SEMA4A: variants seen among roughly 807,000 people sequenced by gnomAD.
SEMA4A encodes semaphorin 4A, also known as semaphorin-4A.
Under a neutral mutation model 72.5 loss-of-function variants are expected in SEMA4A, and 52 were observed. The observed-to-expected ratio is 0.72, with a 90% CI of 0.57 to 0.90. SEMA4A has a LOEUF of 0.90. Ranked by LOEUF, SEMA4A falls within the 40% of genes least tolerant of loss-of-function variation. The pLI, the probability that SEMA4A is intolerant of heterozygous loss-of-function variation, is 0.00. For synonymous variants in SEMA4A, 369 were observed against 393.1 expected, an observed-to-expected ratio of 0.94 and a Z score of 0.73; for missense variants, 926 against 959.7, an observed-to-expected ratio of 0.96 and a Z score of 0.46.
chr1:156,161,277 C>A, intron 8 of SEMA4A, 69 bp from the exon 9 acceptor site: 1 of 927,236 alleles, frequency 1.1e-6, no homozygotes. Flanking sequence ...CTGCGGGGGG[C>A]GGGGAGGACA....
intron 10 of SEMA4A, among the ~76,000 whole-genome samples, chr1:156,167,643 A>G (rs925858990): frequency 2.0e-5 from 3 of 151,934 alleles, no homozygotes; most frequent in African/African-American, 7.3e-5. Context: ...TTTCCTGTAA[A>G]TTGTTCAGTA....
intron 10 of SEMA4A, among the ~76,000 whole-genome samples, chr1:156,163,453 G>A (rs547296807): frequency 3.9e-5 from 6 of 152,204 alleles, no homozygotes; most frequent in Middle Eastern, 3.4e-3. Context: ...CGGGTGTGGT[G>A]GCTCACACCT....
intron 12 of SEMA4A, 62 bp downstream of exon 12, chr1:156,175,002 G>C (rs1215083414): frequency 4.3e-6 from 7 of 1,614,128 alleles, no homozygotes; most frequent in Non-Finnish European, 5.9e-6. Flanking sequence ...GGCCTGTTGG[G>C]CTGGCTCCCT....
At chr1:156,158,605 T>C in intron 5 of SEMA4A, 114 bp from the exon 6 acceptor site, 1 of 1,292,624 alleles carries the variant, frequency 7.7e-7, no homozygotes, top group Non-Finnish European at 1.1e-6. Flanking sequence ...CTCATGAACT[T>C]CCTGGCCCCA....
intron 10 of SEMA4A, among the ~76,000 whole-genome samples, chr1:156,167,475 C>CAAAAAAAAA (rs58793729): frequency 7.7e-5 from 8 of 103,550 alleles, no homozygotes; most frequent in Middle Eastern, 4.6e-3. Flanking sequence ...GACCCTGTCT[C>CAAAAAAAAA]AAAAAAAAAA....
Position 156,157,461 on chromosome 1 carries a change from G to T in SEMA4A, c.301-609G>T, listed in dbSNP as rs534055806. Among the ~76,000 whole-genome samples the T allele has an allele frequency of 6.6e-6, 1 of 152,330 alleles. No homozygotes were observed. Among genetic ancestry groups the T allele is most frequent in the South Asian group, 2.1e-4 (1 of 4,834 alleles). On this transcript the variant is annotated intron_variant, in intron 3 of 14. Transcript: ENST00000368285. The surrounding 1 kb of genome is among the most constrained non-coding windows in gnomAD (Gnocchi z 4.5). Reference sequence around the variant, plus strand: ...AGGCTTTCTAAGTGCTGGGATTACAGGTGTGAGCCACTGTGCCTGGCTGCT... The same window carrying T: ...AGGCTTTCTAAGTGCTGGGATTACATGTGTGAGCCACTGTGCCTGGCTGCT...
At chr1:156,147,409 G>A (rs1245180983), upstream of SEMA4A, 2 of 150,966 alleles carry the variant, frequency 1.3e-5, no homozygotes, top group South Asian at 2.1e-4. Context: ...CCTGGGTTAG[G>A]GTCTCCACTT....
chr1:156,155,799 C>G (rs1307623132), intron 2 of SEMA4A: 1 of 163,388 alleles, frequency 6.1e-6, no homozygotes, highest in Admixed American at 5.7e-5. Context: ...CCCCACCCAC[C>G]CCACCATGCC....
chr1:156,175,489 C>T, intron 13 of SEMA4A, 67 bp from the exon 14 acceptor site: 1 of 1,338,116 alleles, frequency 7.5e-7, no homozygotes, highest in East Asian at 2.4e-5. Flanking sequence ...CACTTCCTCC[C>T]TTCCTCCTTC....
chr1:156,158,147 G>C lies in SEMA4A; in HGVS notation c.363+15G>C, dbSNP rs747444742. On this transcript the variant is annotated intron_variant, in intron 4 of 14. Coordinates refer to ENST00000368285, the MANE Select transcript of SEMA4A (RefSeq NM_022367.4). ...AGAGCAATGAGGTAAGTGGAGGTGG[G>C]GGAGTAGGGGTAGAGTGGGTAGAGA... The C allele has an allele frequency of 2.5e-6, 4 of 1,613,800 alleles. No individual in the cohort carries two copies. The highest frequency in any genetic ancestry group is 1.1e-5 in the South Asian group (1 of 91,056).
chr1:156,161,384 G>T lies in SEMA4A; in HGVS notation c.849G>T (p.Trp283Cys). The T allele has an allele frequency of 4.7e-6, 7 of 1,499,496 alleles. No homozygotes were observed. The highest frequency in any genetic ancestry group is 6.3e-6 in the Non-Finnish European group (7 of 1,107,350). The allele number at this position is 1,499,496 out of a possible 1,614,324, so 92.9% of individuals were successfully genotyped here. The stretch of plus-strand genomic sequence containing the variant: ...GCGAAAAGCTGCTGCAGAAGAAGTG[G>T]ACCACCTTCCTGAAGGCCCAGCTGC... ...VGGEKLLQKK[W>C]TTFLKAQLLC... The change falls in exon 9 of 15, where the codon TGG becomes TGT. Residue 283 changes from tryptophan to cysteine, a missense_variant. By Grantham distance (215) the Trp-to-Cys change is radical (BLOSUM62 -2). Coordinates refer to ENST00000368285, the MANE Select transcript of SEMA4A (RefSeq NM_022367.4).
rs948100832 is a variant in SEMA4A, at chr1:156,156,193, T to C, written c.140-221T>C. 5.2e-6 allele frequency: 3 copies of C among 574,820 alleles called. No individual in the cohort carries two copies. In the Admixed American group the frequency reaches 7.2e-5, roughly 14 times the overall value. The allele number at this position is 574,820 out of a possible 1,614,324, so 35.6% of individuals were successfully genotyped here. Reference sequence around the variant, plus strand: ...ACTTTATTTCCCGTCCCCATTACCCTGCCTCTGGCTGCCTCTCCTCTCTAC... The same window carrying C: ...ACTTTATTTCCCGTCCCCATTACCCCGCCTCTGGCTGCCTCTCCTCTCTAC... On this transcript the variant is annotated intron_variant, in intron 2 of 14. Transcript: ENST00000368285.
At chr1:156,169,568 C>T (rs1262576177) in intron 10 of SEMA4A, among the ~76,000 whole-genome samples, 8 of 150,222 alleles carry the variant, frequency 5.3e-5, no homozygotes, top group Admixed American at 3.3e-4. Flanking sequence ...TACAGGCGCC[C>T]GCCACCATGC....
intron 13 of SEMA4A, 84 bp from the exon 14 acceptor site, chr1:156,175,472 C>A: frequency 8.3e-7 from 1 of 1,209,208 alleles, no homozygotes; most frequent in East Asian, 2.5e-5. Flanking sequence ...TACCTTCTTC[C>A]CTACTGCACT....
Position 156,156,543 on chromosome 1 carries a change from A to G in SEMA4A, c.269A>G (p.Gln90Arg). ...AREAILALDI[Q>R]DPGVPRLKNM... The stretch of plus-strand genomic sequence containing the variant: ...GAAGCCATTCTGGCCTTGGATATCC[A>G]GGATCCAGGGGTCCCCAGGCTAAAG... Residue 90 changes from glutamine to arginine, a missense_variant, in exon 3 of 15, where the codon CAG (glutamine) becomes CGG (arginine). Coordinates refer to ENST00000368285, the MANE Select transcript of SEMA4A (RefSeq NM_022367.4). 1.2e-6 allele frequency: 2 copies of G among 1,614,042 alleles called. No homozygotes were observed. Among genetic ancestry groups the G allele is most frequent in the Non-Finnish European group, 8.5e-7 (1 of 1,179,982 alleles).
rs1475557484 is a variant in SEMA4A, at chr1:156,172,865, A to C, written c.1174A>C (p.Met392Leu). The stretch of plus-strand genomic sequence containing the variant: ...CTCCTCTGATAAGGCCCTGACCTTC[A>C]TGAAGGACCATTTCCTGATGGATGA... ...GPSSDKALTFMKDHFLMDEQV... is the reference protein window; with the variant it reads ...GPSSDKALTFLKDHFLMDEQV... The change falls in exon 11 of 15, where the codon ATG becomes CTG. Residue 392 changes from methionine to leucine, a missense_variant. Physicochemically the swap from Met to Leu is conservative, Grantham distance 15 (BLOSUM62 2). Transcript: ENST00000368285. The C allele has an allele frequency of 4.5e-5, 73 of 1,614,030 alleles. No individual in the cohort carries two copies. The highest frequency in any genetic ancestry group is 5.9e-5 in the Non-Finnish European group (70 of 1,180,018).
At chr1:156,150,335 G>A (rs573815596), upstream of SEMA4A, 407 of 152,894 alleles carry the variant, frequency 2.7e-3, 2 homozygotes, top group Non-Finnish European at 4.7e-3. Flanking sequence ...GGAAGAGGTG[G>A]AGGGACACAG....
chr1:156,161,420 G>C lies in SEMA4A; in HGVS notation c.885G>C (p.Gln295His). ...TFLKAQLLCT[Q>H]PGQLPFNVIR... The stretch of plus-strand genomic sequence containing the variant: ...TGAAGGCCCAGCTGCTCTGCACCCA[G>C]CCGGGGCAGCTGCCCTTCAACGTCA... Residue 295 changes from glutamine (Q) to histidine (H), a missense_variant, in exon 9 of 15, where the codon CAG (glutamine) becomes CAC (histidine). By Grantham distance (24) the Gln-to-His change is conservative. Transcript: ENST00000368285. The C allele has an allele frequency of 6.2e-7, 1 of 1,613,946 alleles. No homozygotes were observed. The highest frequency in any genetic ancestry group is 8.5e-7 in the Non-Finnish European group (1 of 1,179,934).
intron 11 of SEMA4A, among the ~76,000 whole-genome samples, chr1:156,173,466 G>A (rs4661035): frequency 0.98 from 148,768 of 152,130 alleles, 72,754 homozygotes; most frequent in East Asian, 1. Flanking sequence ...TTCTTGTTTT[G>A]TAGACAGGAA....
Sources: gnomAD v4.1 joint callset for allele counts (sites outside exome capture counted in the v4.1 genomes callset) on GRCh38, gnomAD v4.1.1 for gene constraint, Gnocchi (gnomAD v3.1) non-coding constraint, MANE v1.5 for transcripts, NCBI Gene and HGNC (gene_info 2026-07-23, HGNC 2026-07-21) for gene names.